The following TF variants were observed in gnomAD, a reference collection of about 807,000 sequenced individuals.
TF encodes serotransferrin.
TF carries 55 observed loss-of-function variants against 82.4 expected under a neutral mutation model. That is an observed-to-expected ratio of 0.67 (90% CI 0.54 to 0.84). The LOEUF is 0.84. TF is among the 40% of genes least tolerant of loss of function. The pLI is 0.00. For synonymous variants in TF, 332 were observed against 332.6 expected (o/e 1.00, Z 0.02); for missense variants, 737 against 868.4 (o/e 0.85, Z 1.90).
intron 2 of TF, among the ~76,000 whole-genome samples, chr3:133,749,788 A>C (rs1399154694): frequency 6.6e-6 from 1 of 152,220 alleles, no homozygotes; most frequent in East Asian, 1.9e-4. Flanking sequence ...AATAGGTTTC[A>C]TTCAGTAACT....
At chr3:133,671,752 C>T in the TF span, among the ~76,000 whole-genome samples, 177 of 148,124 alleles carry the variant, frequency 1.2e-3, 4 homozygotes, top group East Asian at 0.025. Flanking sequence ...GCAATCTTGC[C>T]ACTTCACTCC....
At chr3:133,724,328 AC>A in the TF span, among the ~76,000 whole-genome samples, 3 of 152,066 alleles carry the variant, frequency 2.0e-5, no homozygotes, top group African/African-American at 7.2e-5. Context: ...TTGTTTCCTG[AC>A]TTTTTAATGA....
At chr3:133,754,384 C>T in intron 3 of TF, 111 bp from the exon 4 acceptor site, 1 of 1,107,954 alleles carries the variant, frequency 9.0e-7, no homozygotes, top group Non-Finnish European at 1.4e-6. Flanking sequence ...TCGCCCAGTC[C>T]AGTAAAAGCA....
chr3:133,759,176 C>A lies in TF; in HGVS notation c.1050C>A (p.Cys350Ter), dbSNP rs748677488. The change falls in exon 9 of 17, where the codon TGC becomes TGA. Residue 350 changes from cysteine to a stop codon, truncating the protein, a stop_gained and splice_region_variant. Coordinates refer to ENST00000402696, the MANE Select transcript of TF (RefSeq NM_001063.4). LOFTEE classifies it high-confidence loss of function. Reference sequence around the variant, plus strand: ...CTTTGTTCTTTTTTTATGCCATAGGCCCAGAAGCCCCAACAGATGAATGCA... The same window carrying A: ...CTTTGTTCTTTTTTTATGCCATAGGACCAGAAGCCCCAACAGATGAATGCA... Reference protein sequence around the residue: ...TAIRNLREGTCPEAPTDECKP... With the variant: ...TAIRNLREGT 1 of 1,614,116 alleles carries A rather than the reference C, an allele frequency of 6.2e-7. No individual in the cohort carries two copies. The highest frequency in any genetic ancestry group is 1.7e-5 in the Admixed American group (1 of 60,016).
chr3:133,754,403 C>G, intron 3 of TF, 92 bp from the exon 4 acceptor site: 2 of 1,359,804 alleles, frequency 1.5e-6, no homozygotes. Flanking sequence ...CATGGCCTCT[C>G]CGCTCCCCTC....
chr3:133,688,332 G>A, the TF span: 1 of 152,422 alleles, frequency 6.6e-6, no homozygotes, highest in African/African-American at 2.4e-5. Flanking sequence ...CGTGGAGAGA[G>A]CGTCTTCCCT....
the TF span, among the ~76,000 whole-genome samples, chr3:133,739,294 C>T: frequency 6.6e-6 from 1 of 152,110 alleles, no homozygotes; most frequent in Non-Finnish European, 1.5e-5. Flanking sequence ...CCCTTCCTTA[C>T]ACCATATACA....
the TF span, among the ~76,000 whole-genome samples, chr3:133,692,583 T>C: frequency 6.6e-6 from 1 of 152,148 alleles, no homozygotes. Context: ...AAAGAACTAG[T>C]GTTTATTGCC....
At chr3:133,756,146 C>G in intron 5 of TF, 136 bp from the exon 6 acceptor site, 4 of 809,706 alleles carry the variant, frequency 4.9e-6, no homozygotes, top group Non-Finnish European at 8.3e-6. Context: ...GGTCTGCACA[C>G]CATGGTGTTG....
At chr3:133,704,931 G>T in the TF span, among the ~76,000 whole-genome samples, 18 of 152,206 alleles carry the variant, frequency 1.2e-4, no homozygotes, top group Admixed American at 1.2e-3. Context: ...ACTCTGTGAG[G>T]TAAATAGTGG....
At chr3:133,690,235 A>G in the TF span, among the ~76,000 whole-genome samples, 34 of 152,226 alleles carry the variant, frequency 2.2e-4, 1 homozygote, top group Non-Finnish European at 4.7e-4. Flanking sequence ...CAAAACCACA[A>G]ACTATATAAA....
upstream of TF, among the ~76,000 whole-genome samples, chr3:133,742,734 G>T (rs1933416464): frequency 6.6e-6 from 1 of 152,152 alleles, no homozygotes; most frequent in Admixed American, 6.5e-5. Context: ...AACAGACAGA[G>T]GCTCTTTGTT....
chr3:133,738,557 G>A, the TF span, among the ~76,000 whole-genome samples: 1 of 148,112 alleles, frequency 6.8e-6, no homozygotes, highest in African/African-American at 2.5e-5. Flanking sequence ...TGTATATTCC[G>A]AAAACCCCAT....
At chr3:133,727,981 C>T in the TF span, among the ~76,000 whole-genome samples, 17 of 152,220 alleles carry the variant, frequency 1.1e-4, no homozygotes, top group South Asian at 2.3e-3. Context: ...TGAATATTGG[C>T]CCCCACTCTC....
chr3:133,665,489 G>T, the TF span, among the ~76,000 whole-genome samples: 1 of 148,786 alleles, frequency 6.7e-6, no homozygotes, highest in Non-Finnish European at 1.5e-5. Flanking sequence ...AAAGAAAAAA[G>T]AAAAAGAAAA....
the TF span, among the ~76,000 whole-genome samples, chr3:133,666,004 A>C: frequency 6.6e-5 from 10 of 151,688 alleles, no homozygotes; most frequent in African/African-American, 2.4e-4. Flanking sequence ...AGTTACTTTT[A>C]CAATGTGGGT....
chr3:133,780,275 T>G lies in TF; in HGVS notation c.*1655T>G, dbSNP rs1934489188. The G allele has an allele frequency of 6.6e-6, 1 of 152,208 alleles. No homozygotes were observed. Among genetic ancestry groups the G allele is most frequent in the Non-Finnish European group, 1.5e-5 (1 of 68,054 alleles). The allele number at this position is 152,208 out of a possible 1,614,324, so 9.4% of individuals were successfully genotyped here. ...ACCCCAAATCCTATAACTCTGCCTT[T>G]TCCTTTGTTTGGTGAGATACCCCAT... On this transcript the variant is annotated 3_prime_UTR_variant, in exon 17 of 17. Transcript: ENST00000402696.
the TF span, among the ~76,000 whole-genome samples, chr3:133,717,007 T>C: frequency 1.3e-5 from 2 of 152,236 alleles, no homozygotes; most frequent in East Asian, 1.9e-4. Flanking sequence ...CAGACTTTCC[T>C]GGCCACTCTG....
chr3:133,724,338 G>C, the TF span, among the ~76,000 whole-genome samples: 3 of 152,124 alleles, frequency 2.0e-5, no homozygotes, highest in African/African-American at 4.8e-5. Context: ...ACTTTTTAAT[G>C]ATCACCATTC....
Sources: allele counts gnomAD v4.1 joint callset (sites outside exome capture counted in the v4.1 genomes callset), GRCh38; gene constraint gnomAD v4.1.1; transcripts MANE v1.5; gene names NCBI Gene and HGNC (gene_info 2026-07-23, HGNC 2026-07-21).